The following SLAMF9 variants were observed in gnomAD, a reference collection of about 807,000 sequenced individuals.
SLAMF9 encodes SLAM family member 9.
In SLAMF9, 25 loss-of-function variants were observed where a neutral mutation model predicts 30.4. The observed-to-expected ratio is 0.82, with a 90% confidence interval of 0.60 to 1.15. The LOEUF is 1.15. Among genes scored for constraint, SLAMF9 ranks in the 50% most tolerant of loss-of-function variants. The pLI is 0.00. For missense variants in SLAMF9, 344 were observed against 346.1 expected (o/e 0.99, Z 0.05); for synonymous variants, 129 against 127.2 (o/e 1.01, Z -0.09).
the SLAMF9 span, among the ~76,000 whole-genome samples, chr1:159,969,665 G>C: frequency 3.9e-5 from 6 of 152,136 alleles, no homozygotes; most frequent in Non-Finnish European, 7.3e-5. Flanking sequence ...TTACATATTA[G>C]GCTTATGAAA....
chr1:159,960,925 T>C, the SLAMF9 span, among the ~76,000 whole-genome samples: 1 of 152,186 alleles, frequency 6.6e-6, no homozygotes, highest in Non-Finnish European at 1.5e-5. Context: ...TCTCCCTGGT[T>C]CCTCAGAGGG....
chr1:159,954,449 C>T (rs1212714680), upstream of SLAMF9, among the ~76,000 whole-genome samples: 3 of 152,188 alleles, frequency 2.0e-5, no homozygotes, highest in Admixed American at 6.5e-5. Context: ...ACTTCCTACC[C>T]GCCCCAGGTC....
At position 159,952,398 on chromosome 1, in the gene SLAMF9, A is replaced by G; in HGVS notation, c.528T>C (p.Thr176=). The change falls in exon 3 of 4, where the codon ACT becomes ACC. Residue 176 remains threonine (T), a synonymous_variant. Transcript: ENST00000368093. ...TYSWLSRGDS[T]YTFHEGPVLS... is the part of the protein sequence containing the mutation. ...GGACAGGGCCTTCATGGAATGTATA[A>G]GTGCTATCCCCCCGGGAGAGCCAGC... 6.2e-7 allele frequency: 1 copy of G among 1,614,056 alleles called. No homozygotes were observed. Among genetic ancestry groups the G allele is most frequent in the South Asian group, 1.1e-5 (1 of 91,076 alleles).
chr1:159,957,416 G>T (rs1411694756), upstream of SLAMF9, among the ~76,000 whole-genome samples: 1 of 152,152 alleles, frequency 6.6e-6, no homozygotes, highest in African/African-American at 2.4e-5. Context: ...ACGAGGTCAA[G>T]AGATCAAGAC....
chr1:159,953,275 A>C, intron 2 of SLAMF9, 34 bp downstream of exon 2: 1 of 1,559,766 alleles, frequency 6.4e-7, no homozygotes. Flanking sequence ...AAGAGCCCCC[A>C]AAACCAGCTT....
In SLAMF9 at chr1:159,951,596, C is replaced by A; in HGVS notation, c.*65G>T. ...CCTCCTTCCCCTGGAAAGAAGAGAG[C>A]TGAGGAAGGATTCTCTGGGTGCTGG... On this transcript the variant is annotated 3_prime_UTR_variant, in exon 4 of 4. Transcript: ENST00000368093. 1 of 1,501,486 alleles carries A rather than the reference C, an allele frequency of 6.7e-7. No individual in the cohort carries two copies. Among genetic ancestry groups the A allele is most frequent in the Non-Finnish European group, 9.2e-7 (1 of 1,085,724 alleles). The allele number at this position is 1,501,486 out of a possible 1,614,324, so 93.0% of individuals were successfully genotyped here. A position where few individuals can be genotyped will look rare whatever the true frequency, so the allele number is the denominator to read the frequency against.
the SLAMF9 span, among the ~76,000 whole-genome samples, chr1:159,970,686 A>G: frequency 4.3e-4 from 65 of 152,276 alleles, no homozygotes; most frequent in African/African-American, 1.5e-3. Flanking sequence ...CAGTGTGTAC[A>G]TTTTCTAAGA....
chr1:159,971,870 C>A, the SLAMF9 span, among the ~76,000 whole-genome samples: 3 of 152,086 alleles, frequency 2.0e-5, no homozygotes, highest in South Asian at 6.2e-4. Context: ...ATTGTTTCTC[C>A]CCTGGCACTC....
the SLAMF9 span, among the ~76,000 whole-genome samples, chr1:159,966,544 T>G: frequency 6.6e-6 from 1 of 152,210 alleles, no homozygotes; most frequent in Non-Finnish European, 1.5e-5. Context: ...CTCCATACTG[T>G]TTTCCATAAT....
At chr1:159,954,604 A>G (rs1163803459), upstream of SLAMF9, among the ~76,000 whole-genome samples, 1 of 152,210 alleles carries the variant, frequency 6.6e-6, no homozygotes, top group Non-Finnish European at 1.5e-5. Context: ...CTCCCCAGAC[A>G]GACTTCATCT....
the SLAMF9 span, chr1:159,983,798 C>T: frequency 6.6e-6 from 1 of 152,270 alleles, no homozygotes; most frequent in African/African-American, 2.4e-5. Context: ...TCTCCTCCCT[C>T]CCTTCAAAAT....
chr1:159,965,882 T>C, the SLAMF9 span, among the ~76,000 whole-genome samples: 1 of 152,252 alleles, frequency 6.6e-6, no homozygotes, highest in East Asian at 1.9e-4. Flanking sequence ...ATGTGATGTT[T>C]TGATATATGT....
At chr1:159,980,321 C>T in the SLAMF9 span, among the ~76,000 whole-genome samples, 1 of 152,104 alleles carries the variant, frequency 6.6e-6, no homozygotes, top group African/African-American at 2.4e-5. Flanking sequence ...AGCCTCTTCC[C>T]CTCTGCCACA....
chr1:159,974,842 A>C, the SLAMF9 span, among the ~76,000 whole-genome samples: 2 of 152,232 alleles, frequency 1.3e-5, no homozygotes, highest in African/African-American at 4.8e-5. Flanking sequence ...GGCTCATGGA[A>C]GAGTTCCCTT....
the SLAMF9 span, among the ~76,000 whole-genome samples, chr1:159,960,936 A>C: frequency 6.6e-6 from 1 of 152,156 alleles, no homozygotes; most frequent in African/African-American, 2.4e-5. Context: ...CCTCAGAGGG[A>C]TTGGGCCCCA....
the SLAMF9 span, among the ~76,000 whole-genome samples, chr1:159,960,698 C>G: frequency 7.0e-3 from 1,058 of 152,230 alleles, 15 homozygotes; most frequent in African/African-American, 0.024. Flanking sequence ...TCGTGATCCA[C>G]CCGCCTTGGC....
At chr1:159,969,616 C>T in the SLAMF9 span, among the ~76,000 whole-genome samples, 1 of 152,184 alleles carries the variant, frequency 6.6e-6, no homozygotes, top group Non-Finnish European at 1.5e-5. Flanking sequence ...CCTGGACTTT[C>T]ATCTCCATTT....
In SLAMF9 at chr1:159,953,541, G is replaced by A. The variant is rs1461105266; in HGVS notation, c.159C>T (p.Ile53=). Residue 53 remains isoleucine, a synonymous_variant, in exon 2 of 4, where the codon ATC becomes ATT. Coordinates refer to ENST00000368093, the MANE Select transcript of SLAMF9 (RefSeq NM_033438.4). ...CAAGACTTTTGTGAGAGGACCAGAT[G>A]ATGTTCTCAACCTCTTCATCTGGTG... ...EIPPDEEVEN[I]IWSSHKSLAT... is the part of the protein sequence containing the mutation. 6.2e-7 allele frequency: 1 copy of A among 1,614,226 alleles called. No homozygotes were observed. Among genetic ancestry groups the A allele is most frequent in the East Asian group, 2.2e-5 (1 of 44,876 alleles).
At chr1:159,972,647 C>A in the SLAMF9 span, 4 of 168,658 alleles carry the variant, frequency 2.4e-5, no homozygotes, top group South Asian at 7.3e-4. Context: ...TCACTGGGAA[C>A]AAGAGGGAAA....
Sources: allele counts gnomAD v4.1 joint callset (sites outside exome capture counted in the v4.1 genomes callset), GRCh38; gene constraint gnomAD v4.1.1; transcripts MANE v1.5; gene names NCBI Gene and HGNC (gene_info 2026-07-23, HGNC 2026-07-21).